The following MAPK14 variants were observed in gnomAD, a reference collection of about 807,000 sequenced individuals.
The protein encoded by MAPK14 is CSAID-binding protein.
MAPK14 carries 16 observed loss-of-function variants against 49.6 expected under a neutral mutation model. That is an observed-to-expected ratio of 0.32 (90% CI 0.22 to 0.49). The LOEUF is 0.49. MAPK14 is among the 20% of genes least tolerant of loss of function. The pLI is 0.99. For missense variants in MAPK14, 200 were observed against 441.2 expected (o/e 0.45, Z 4.90); for synonymous variants, 142 against 158.0 (o/e 0.90, Z 0.76).
chr6:36,107,588 G>T lies in MAPK14; in HGVS notation c.975G>T (p.Gln325His), dbSNP rs1262554805. 1 of 1,597,988 alleles carries T rather than the reference G, an allele frequency of 6.3e-7. No homozygotes were observed. Among genetic ancestry groups the T allele is most frequent in the East Asian group, 2.3e-5 (1 of 44,294 alleles). The change falls in exon 11 of 12, where the codon CAG (glutamine) becomes CAT (histidine). Residue 325 changes from glutamine (Q) to histidine (H), a missense_variant. This residue lies in a region of MAPK14 where 170 missense variants were observed against 407.0 expected (regional missense o/e 0.42). Coordinates refer to ENST00000229794, the MANE Select transcript of MAPK14 (RefSeq NM_139012.3). The surrounding 1 kb of genome is among the most constrained non-coding windows in gnomAD (Gnocchi z 4.3). Reference sequence around the variant, plus strand: ...AACCAGTGGCCGATCCTTATGATCAGTCCTTTGAAAGCAGGGACCTCCTTA... The same window carrying T: ...AACCAGTGGCCGATCCTTATGATCATTCCTTTGAAAGCAGGGACCTCCTTA... ...DDEPVADPYD[Q>H]SFESRDLLID...
chr6:36,098,037 G>A (rs1765505983), intron 9 of MAPK14: 1 of 151,922 alleles, frequency 6.6e-6, no homozygotes, highest in African/African-American at 2.4e-5. Flanking sequence ...TATCTTAAAA[G>A]CGCATGATGT....
intron 10 of MAPK14, 174 bp downstream of exon 10, chr6:36,102,823 CAT>C (rs1269422329): frequency 2.6e-5 from 28 of 1,090,552 alleles, no homozygotes; most frequent in Non-Finnish European, 3.6e-5. Flanking sequence ...TTTTTAATCA[CAT>C]GAGATGATTG....
At chr6:36,057,883 A>G (rs1763647642) in intron 2 of MAPK14, among the ~76,000 whole-genome samples, 1 of 152,222 alleles carries the variant, frequency 6.6e-6, no homozygotes, top group African/African-American at 2.4e-5. Flanking sequence ...GTCTTGCTTC[A>G]TAACCAGATA....
At chr6:36,120,929 T>G in the MAPK14 span, among the ~76,000 whole-genome samples, 1 of 152,168 alleles carries the variant, frequency 6.6e-6, no homozygotes, top group African/African-American at 2.4e-5. Flanking sequence ...ACTCGTGCCC[T>G]CAAGAACTTA....
chr6:36,095,914 T>C (rs1033730490), intron 8 of MAPK14, 73 bp from the exon 9 acceptor site: 33 of 955,456 alleles, frequency 3.5e-5, no homozygotes, highest in African/African-American at 4.9e-5. Context: ...TTTGTTTGTT[T>C]TTGTTTTGTT....
chr6:36,076,077 A>T, intron 7 of MAPK14, 115 bp downstream of exon 7: 1 of 1,078,090 alleles, frequency 9.3e-7, no homozygotes, highest in Non-Finnish European at 1.3e-6. Flanking sequence ...TCCCTCAGTG[A>T]TCCTTTTAAA....
intron 8 of MAPK14, among the ~76,000 whole-genome samples, chr6:36,082,326 A>G (rs1764798887): frequency 6.6e-6 from 1 of 152,232 alleles, no homozygotes; most frequent in Non-Finnish European, 1.5e-5. Context: ...GAAAGCTTTC[A>G]GTCTCTTCCC....
chr6:36,074,215 T>C, intron 6 of MAPK14, 119 bp downstream of exon 6: 1 of 642,040 alleles, frequency 1.6e-6, no homozygotes, highest in Non-Finnish European at 2.7e-6. Context: ...ATTCGTATTA[T>C]TTTTATTATC....
Position 36,039,073 on chromosome 6 carries a change from C to T in MAPK14, c.116+10800C>T, listed in dbSNP as rs547289840. ...GTCATTAATGTCTTAGCTTTGAGGC[C>T]CCAAGGACTTCTCTGTTAAACTTAA... On this transcript the variant is annotated intron_variant, in intron 1 of 11. Coordinates refer to ENST00000229794, the MANE Select transcript of MAPK14 (RefSeq NM_139012.3). 6.0e-4 allele frequency among the ~76,000 whole-genome samples: 91 copies of T among 152,028 alleles called. 1 individual carries two copies. In the South Asian group the frequency reaches 0.017, roughly 28 times the overall value.
At chr6:36,037,243 A>G (rs1762788152) in intron 1 of MAPK14, among the ~76,000 whole-genome samples, 2 of 152,160 alleles carry the variant, frequency 1.3e-5, no homozygotes, top group Non-Finnish European at 2.9e-5. Context: ...TTTGAGGTAC[A>G]CCTGTATGTA....
chr6:36,038,221 A>ATATCAC (rs1762826338), intron 1 of MAPK14, among the ~76,000 whole-genome samples: 1 of 152,178 alleles, frequency 6.6e-6, no homozygotes, highest in South Asian at 2.1e-4. Context: ...GAAGAAGGTG[A>ATATCAC]TATAGGACAC....
chr6:36,106,605 A>T (rs557511889), intron 10 of MAPK14, among the ~76,000 whole-genome samples: 1 of 152,188 alleles, frequency 6.6e-6, no homozygotes, highest in Non-Finnish European at 1.5e-5. Context: ...ATATTTGGGG[A>T]GGGTAAAGTG....
chr6:36,084,221 T>C (rs1346644008), intron 8 of MAPK14, among the ~76,000 whole-genome samples: 1 of 151,962 alleles, frequency 6.6e-6, no homozygotes, highest in Non-Finnish European at 1.5e-5. Flanking sequence ...CAAAGCTAGG[T>C]AAAGTCATGA....
chr6:36,056,196 T>C (rs956746766), intron 2 of MAPK14, among the ~76,000 whole-genome samples: 1 of 152,196 alleles, frequency 6.6e-6, no homozygotes, highest in Non-Finnish European at 1.5e-5. Context: ...TTCAGATAGT[T>C]TGCTTAGGTA....
At chr6:36,037,060 T>C (rs1272934984) in intron 1 of MAPK14, among the ~76,000 whole-genome samples, 2 of 152,182 alleles carry the variant, frequency 1.3e-5, no homozygotes, top group Non-Finnish European at 2.9e-5. Context: ...ATTTTTAAAT[T>C]AAGGTATGTG....
chr6:36,079,053 C>G (rs775245002), intron 8 of MAPK14, among the ~76,000 whole-genome samples: 1 of 152,192 alleles, frequency 6.6e-6, no homozygotes, highest in Non-Finnish European at 1.5e-5. Context: ...TAGAGTTTAA[C>G]CCAGTTGAAT....
intron 8 of MAPK14, chr6:36,092,023 A>G: frequency 2.4e-6 from 1 of 422,630 alleles, no homozygotes. Context: ...AGATGGCTTC[A>G]CATTTGCATG....
chr6:36,029,474 TTAAAC>T (rs764743514), intron 1 of MAPK14, among the ~76,000 whole-genome samples: 4 of 152,266 alleles, frequency 2.6e-5, no homozygotes, highest in African/African-American at 4.8e-5. Flanking sequence ...GCTACGGATC[TTAAAC>T]TAAGTATCAG....
At chr6:36,090,724 G>C (rs1228600274) in intron 8 of MAPK14, among the ~76,000 whole-genome samples, 1 of 152,024 alleles carries the variant, frequency 6.6e-6, no homozygotes, top group African/African-American at 2.4e-5. Flanking sequence ...ACAGGATTTT[G>C]CCATGTTGGC....
Sources: allele counts gnomAD v4.1 joint callset (sites outside exome capture counted in the v4.1 genomes callset), GRCh38; gene constraint gnomAD v4.1.1; regional missense constraint gnomAD v4.1.1; non-coding constraint Gnocchi (gnomAD v3.1); transcripts MANE v1.5; gene names NCBI Gene and HGNC (gene_info 2026-07-23, HGNC 2026-07-21).